EDAR: variants seen among roughly 807,000 people sequenced by gnomAD.
EDAR encodes the protein tumor necrosis factor receptor superfamily member EDAR.
A neutral mutation model predicts 51.3 loss-of-function variants in EDAR; 38 were observed. That is an observed-to-expected ratio of 0.74 (90% CI 0.57 to 0.97). The LOEUF is 0.97. EDAR is among the 50% of genes least tolerant of loss of function. The pLI, the probability that EDAR is intolerant of heterozygous loss-of-function variation, is 0.00. For synonymous variants in EDAR, 227 were observed against 242.1 expected, an observed-to-expected ratio of 0.94 and a Z score of 0.58; for missense variants, 528 against 595.0, an observed-to-expected ratio of 0.89 and a Z score of 1.17.
At chr2:108,924,928 G>A (rs915969646) in intron 4 of EDAR, among the ~76,000 whole-genome samples, 3 of 152,224 alleles carry the variant, frequency 2.0e-5, no homozygotes, top group Non-Finnish European at 2.9e-5. Flanking sequence ...GCTTTCTAAC[G>A]TCCCTGGCCC....
chr2:108,963,004 A>C (rs1433982934), intron 1 of EDAR, among the ~76,000 whole-genome samples: 1 of 152,170 alleles, frequency 6.6e-6, no homozygotes, highest in Non-Finnish European at 1.5e-5. Context: ...TGCCAGGGAC[A>C]TCTGCACCAG....
chr2:108,904,506 A>C (rs1039757478), intron 11 of EDAR, among the ~76,000 whole-genome samples: 20 of 152,240 alleles, frequency 1.3e-4, no homozygotes, highest in Non-Finnish European at 2.9e-4. Context: ...ACAAAAACCT[A>C]TACACAAATA....
In EDAR at chr2:108,907,863, G is replaced by A. The variant is rs10432616; in HGVS notation, c.960C>T (p.Ala320=). ...ATGGCACCTGCAGGAGCCTCACCCC[G>A]GCTGACTTGTTGCTGGTGGCAGACT... is the stretch of plus-strand genomic sequence containing the variant. The part of the protein sequence containing the change: ...REKSATSNKS[A]GIQSRRKKIL... The change falls in exon 10 of 12, where the codon GCC becomes GCT. Residue 320 remains alanine, a synonymous_variant. Coordinates refer to ENST00000258443, the MANE Select transcript of EDAR (RefSeq NM_022336.4). 372 of 1,613,400 alleles carry A rather than the reference G, an allele frequency of 2.3e-4. 1 individual carries two copies. In the East Asian group the frequency reaches 5.0e-3, roughly 22 times the overall value.
Position 108,904,496 on chromosome 2 carries a change from A to T in EDAR, c.1024+1812T>A, listed in dbSNP as rs116364807. Reference sequence around the variant, plus strand: ...CAGATAAATCACGACTGATGTCCACACAAAAACCTATACACAAATATTTAT... The same window carrying T: ...CAGATAAATCACGACTGATGTCCACTCAAAAACCTATACACAAATATTTAT... On this transcript the variant is annotated intron_variant, in intron 11 of 11. Transcript: ENST00000258443. 8.8e-3 allele frequency among the ~76,000 whole-genome samples: 1,344 copies of T among 152,356 alleles called. 14 individuals are homozygous for T. Among genetic ancestry groups the T allele is most frequent in the Middle Eastern group, 0.024 (7 of 294 alleles).
chr2:108,930,575 C>A (rs769868044), intron 2 of EDAR, among the ~76,000 whole-genome samples: 1 of 152,092 alleles, frequency 6.6e-6, no homozygotes, highest in Non-Finnish European at 1.5e-5. Flanking sequence ...CCCCACTGAG[C>A]CTCTAATACA....
At chr2:108,912,509 A>G (rs1408830916) in intron 6 of EDAR, among the ~76,000 whole-genome samples, 169 bp downstream of exon 6, 1 of 152,164 alleles carries the variant, frequency 6.6e-6, no homozygotes, top group East Asian at 1.9e-4. Flanking sequence ...TTGCAGATAT[A>G]ATGACTTCCT....
rs1269540104 is a variant in EDAR at position 108,976,792 on chromosome 2, CA to C, written c.-19+12167del. On this transcript the variant is annotated intron_variant, in intron 1 of 11. Coordinates refer to ENST00000258443, the MANE Select transcript of EDAR (RefSeq NM_022336.4). ...TTTGTGTGTCCCTTAGACATACTAC[CA>C]TTTTTTTTTCTTTTTCTTCTTTTTC... Among the ~76,000 whole-genome samples, 3 of 152,192 alleles carry C rather than the reference CA, an allele frequency of 2.0e-5. No individual in the cohort carries two copies. The East Asian group carries it at 5.8e-4, about 29-fold the overall frequency.
intron 1 of EDAR, among the ~76,000 whole-genome samples, chr2:108,985,041 TG>T (rs1267988252): frequency 6.6e-6 from 1 of 152,226 alleles, no homozygotes; most frequent in Non-Finnish European, 1.5e-5. Flanking sequence ...GCTTGCAGTC[TG>T]GTTTTGCATG....
chr2:108,938,591 TTC>T (rs1697522664), intron 1 of EDAR, among the ~76,000 whole-genome samples: 2 of 152,202 alleles, frequency 1.3e-5, no homozygotes, highest in African/African-American at 2.4e-5. Flanking sequence ...ACAATTTCAT[TTC>T]TGTTTCATTG....
At chr2:108,950,022 GGTTTATTC>G (rs1467901847) in intron 1 of EDAR, among the ~76,000 whole-genome samples, 2 of 152,204 alleles carry the variant, frequency 1.3e-5, no homozygotes, top group Non-Finnish European at 2.9e-5. Context: ...ATTGTCAGAT[GGTTTATTC>G]ACTGAGTGCG....
At chr2:108,954,556 G>A (rs979510538) in intron 1 of EDAR, among the ~76,000 whole-genome samples, 20 of 152,044 alleles carry the variant, frequency 1.3e-4, no homozygotes, top group African/African-American at 4.8e-4. Context: ...CTTAGTCAAC[G>A]CTCATCCCAC....
chr2:108,979,820 T>C (rs1698391149), intron 1 of EDAR, among the ~76,000 whole-genome samples: 1 of 152,100 alleles, frequency 6.6e-6, no homozygotes, highest in East Asian at 1.9e-4. Flanking sequence ...CCATCTGACA[T>C]GACATGCTTC....
intron 11 of EDAR, among the ~76,000 whole-genome samples, chr2:108,898,587 TAAAAA>T (rs991258540): frequency 6.6e-6 from 1 of 151,426 alleles, no homozygotes; most frequent in African/African-American, 2.4e-5. Context: ...GTCAAATGAG[TAAAAA>T]AAGAAAATCA....
intron 11 of EDAR, among the ~76,000 whole-genome samples, chr2:108,905,422 A>C (rs188547302): frequency 2.9e-4 from 44 of 152,084 alleles, no homozygotes; most frequent in African/African-American, 9.9e-4. Flanking sequence ...GGCAGCCAAG[A>C]ATTCTTGGCC....
chr2:108,982,100 C>T (rs1301191735), intron 1 of EDAR, among the ~76,000 whole-genome samples: 1 of 152,240 alleles, frequency 6.6e-6, no homozygotes, highest in Non-Finnish European at 1.5e-5. Context: ...CCTATTTCCT[C>T]CTTTCAATGC....
At chr2:108,947,411 C>T (rs1697733838) in intron 1 of EDAR, among the ~76,000 whole-genome samples, 1 of 152,200 alleles carries the variant, frequency 6.6e-6, no homozygotes, top group South Asian at 2.1e-4. Flanking sequence ...CACAGCTCCA[C>T]TAGGCAGTGC....
At chr2:108,934,077 C>T (rs148293438) in intron 1 of EDAR, among the ~76,000 whole-genome samples, 1 of 152,260 alleles carries the variant, frequency 6.6e-6, no homozygotes, top group Non-Finnish European at 1.5e-5. Flanking sequence ...GCCTGCCGCA[C>T]CTTAGTGTCA....
At chr2:108,965,103 A>ATGTG (rs532175005) in intron 1 of EDAR, among the ~76,000 whole-genome samples, 2,405 of 152,150 alleles carry the variant, frequency 0.016, 60 homozygotes, top group African/African-American at 0.054. Flanking sequence ...GCACGCAAGC[A>ATGTG]TGTGTGTGTC....
intron 1 of EDAR, among the ~76,000 whole-genome samples, chr2:108,938,823 G>A (rs1697527877): frequency 8.9e-6 from 1 of 112,000 alleles, no homozygotes. Flanking sequence ...TTGCTCTGTA[G>A]CCCAGGCTGG....
Sources: allele counts gnomAD v4.1 joint callset (sites outside exome capture counted in the v4.1 genomes callset), GRCh38; gene constraint gnomAD v4.1.1; transcripts MANE v1.5; gene names NCBI Gene and HGNC (gene_info 2026-07-23, HGNC 2026-07-21).